The following RBFOX1 variants were observed in gnomAD, a reference collection of about 807,000 sequenced individuals.
RBFOX1 encodes the protein RNA binding protein fox-1 homolog 1.
Under a neutral mutation model 57.7 loss-of-function variants are expected in RBFOX1, and 8 were observed. The ratio of observed to expected loss-of-function variants is 0.14; its 90% CI spans 0.08 to 0.25. The LOEUF is 0.25. RBFOX1 is among the 10% of genes least tolerant of loss of function. RBFOX1 has a pLI of 1.00. For synonymous variants in RBFOX1, 326 were observed against 222.4 expected, an observed-to-expected ratio of 1.47 and a Z score of -4.15; for missense variants, 611 against 548.5, an observed-to-expected ratio of 1.11 and a Z score of -1.14.
At chr16:5,476,668 G>T (rs1383923947) in intron 2 of RBFOX1, among the ~76,000 whole-genome samples, 2 of 152,222 alleles carry the variant, frequency 1.3e-5, no homozygotes, top group African/African-American at 4.8e-5. Context: ...CAAGATACAT[G>T]TTTAATATGA....
chr16:6,562,725 C>G (rs1365000896), intron 2 of RBFOX1, among the ~76,000 whole-genome samples: 1 of 152,144 alleles, frequency 6.6e-6, no homozygotes, highest in Non-Finnish European at 1.5e-5. Context: ...CCCTTTAAAA[C>G]TCCTTGGAGG....
rs1567555308 is a variant in RBFOX1, at chr16:7,504,786, TTTA to T, written c.28-13359_28-13357del. Among the ~76,000 whole-genome samples, 27 of 19,702 alleles carry T rather than the reference TTTA, an allele frequency of 1.4e-3. 4 individuals carry two copies. Among genetic ancestry groups the T allele is most frequent in the Non-Finnish European group, 3.2e-3 (22 of 6,826 alleles). 12.9% of individuals were successfully genotyped at this position (19,702 alleles called of 152,430 possible). ...ATATATATATTTATATATATATATA[TTTA>T]TATATATATATATTTATATATATAT... On this transcript the variant is annotated intron_variant, in intron 4 of 15. Transcript: ENST00000550418.
intron 1 of RBFOX1, among the ~76,000 whole-genome samples, chr16:5,339,470 G>GTGTTTT (rs2064982294): frequency 4.9e-5 from 2 of 40,854 alleles, no homozygotes; most frequent in Non-Finnish European, 9.0e-5. Flanking sequence ...CTTTTTCCGT[G>GTGTTTT]TTTTTTTTTT....
intron 4 of RBFOX1, among the ~76,000 whole-genome samples, chr16:7,086,523 A>C (rs11860495): frequency 1.3e-5 from 2 of 152,196 alleles, no homozygotes; most frequent in African/African-American, 4.8e-5. Flanking sequence ...AAAGCATACA[A>C]TTTAAAATGG....
At chr16:7,297,362 C>T (rs1383523355) in intron 4 of RBFOX1, among the ~76,000 whole-genome samples, 2 of 152,138 alleles carry the variant, frequency 1.3e-5, no homozygotes, top group Non-Finnish European at 2.9e-5. Flanking sequence ...AGGTTTCCAA[C>T]CTGGCAGTCT....
At chr16:6,256,034 C>T (rs1426427443) in intron 1 of RBFOX1, among the ~76,000 whole-genome samples, 2 of 149,392 alleles carry the variant, frequency 1.3e-5, no homozygotes, top group East Asian at 3.9e-4. Flanking sequence ...GCATGTGTAT[C>T]CCAGAACGTA....
chr16:6,818,093 A>G (rs2090497004), intron 3 of RBFOX1, among the ~76,000 whole-genome samples: 1 of 152,102 alleles, frequency 6.6e-6, no homozygotes, highest in South Asian at 2.1e-4. Context: ...TAATTGCATT[A>G]TTGTTTCAGA....
rs559497671 is a variant in RBFOX1, at chr16:5,687,329, G to T, written c.318+88368G>T. On this transcript the variant is annotated intron_variant, in intron 3 of 19. Coordinates refer to the RBFOX1 transcript ENST00000641259. ...TGTGTGGACCGAGAGAGACAAAGGTGTGTAGAGTCGCCTGCTTACCACTCC... is the reference window on the plus strand; with the variant it reads ...TGTGTGGACCGAGAGAGACAAAGGTTTGTAGAGTCGCCTGCTTACCACTCC... Among the ~76,000 whole-genome samples the T allele has an allele frequency of 4.6e-5, 7 of 152,244 alleles. No homozygotes were observed. The East Asian group carries it at 1.4e-3, about 29-fold the overall frequency.
chr16:6,141,951 C>T (rs771770744), intron 1 of RBFOX1, among the ~76,000 whole-genome samples: 28 of 151,142 alleles, frequency 1.9e-4, no homozygotes, highest in Non-Finnish European at 3.1e-4. Context: ...CCCAGCTGCT[C>T]GGGAGGCTGA....
At chr16:5,503,977 C>G (rs573271537) in intron 2 of RBFOX1, among the ~76,000 whole-genome samples, 2 of 152,244 alleles carry the variant, frequency 1.3e-5, no homozygotes, top group South Asian at 4.1e-4. Flanking sequence ...TCAGCCATGC[C>G]CCTCTTCTCA....
intron 4 of RBFOX1, among the ~76,000 whole-genome samples, chr16:7,190,215 C>T (rs925439705): frequency 1.3e-5 from 2 of 151,944 alleles, no homozygotes; most frequent in Admixed American, 1.3e-4. Context: ...ACAGAAATTA[C>T]CCAGGCATGG....
intron 1 of RBFOX1, among the ~76,000 whole-genome samples, chr16:5,271,116 G>GAGGTTGCA (rs1157224373): frequency 6.6e-6 from 1 of 152,212 alleles, no homozygotes; most frequent in Non-Finnish European, 1.5e-5. Context: ...CTGGGAGACA[G>GAGGTTGCA]AGGTTGCAGT....
At chr16:6,657,095 T>C (rs1162591522) in intron 3 of RBFOX1, among the ~76,000 whole-genome samples, 13 of 47,022 alleles carry the variant, frequency 2.8e-4, no homozygotes, top group Non-Finnish European at 3.0e-4. Flanking sequence ...CTCCTCCCCT[T>C]TACTCTCCTC....
intron 2 of RBFOX1, among the ~76,000 whole-genome samples, chr16:6,506,466 G>T (rs1016046617): frequency 1.3e-5 from 2 of 151,900 alleles, no homozygotes; most frequent in Admixed American, 1.3e-4. Flanking sequence ...GAGAAAGAAG[G>T]CTGAGGGAAT....
At chr16:7,419,498 C>A (rs1367823849) in intron 4 of RBFOX1, among the ~76,000 whole-genome samples, 1 of 152,204 alleles carries the variant, frequency 6.6e-6, no homozygotes, top group Admixed American at 6.5e-5. Context: ...GTCAGGCCCA[C>A]CACGGCTTTT....
intron 1 of RBFOX1, among the ~76,000 whole-genome samples, chr16:5,346,134 C>T: frequency 6.6e-6 from 1 of 152,186 alleles, no homozygotes; most frequent in East Asian, 1.9e-4. Flanking sequence ...GCCTGCATCA[C>T]CTCCGTGGAG....
chr16:7,152,551 A>G (rs1265101586), intron 4 of RBFOX1, among the ~76,000 whole-genome samples: 1 of 152,166 alleles, frequency 6.6e-6, no homozygotes, highest in Admixed American at 6.5e-5. Flanking sequence ...CAATCTTGAT[A>G]AAGATAGGCA....
At chr16:7,004,703 A>G (rs1190935701) in intron 3 of RBFOX1, among the ~76,000 whole-genome samples, 1 of 152,254 alleles carries the variant, frequency 6.6e-6, no homozygotes, top group Non-Finnish European at 1.5e-5. Context: ...CATCATAACC[A>G]GGAAGATGTA....
intron 3 of RBFOX1, among the ~76,000 whole-genome samples, chr16:5,616,995 G>T (rs549459239): frequency 7.9e-5 from 12 of 151,228 alleles, no homozygotes; most frequent in South Asian, 2.1e-4. Context: ...GAAACTGGCC[G>T]GAGGGCAGTT....
Sources: allele counts gnomAD v4.1 joint callset (sites outside exome capture counted in the v4.1 genomes callset), GRCh38; gene constraint gnomAD v4.1.1; transcripts MANE v1.5; gene names NCBI Gene and HGNC (gene_info 2026-07-23, HGNC 2026-07-21).